Variants in LKAAEAR1 observed in about 807,000 individuals in gnomAD.
LKAAEAR1 encodes the protein protein LKAAEAR1.
Under a neutral mutation model 16.5 loss-of-function variants are expected in LKAAEAR1, and 19 were observed. That is an observed-to-expected ratio of 1.15 (90% confidence interval 0.80 to 1.69). LKAAEAR1 has a LOEUF of 1.69. Ranked by LOEUF, LKAAEAR1 falls within the 40% of genes most tolerant of loss-of-function variation. The probability of loss-of-function intolerance (pLI) is 0.00; values close to 1 mark genes in which losing one functional copy is unlikely to be tolerated. For synonymous variants in LKAAEAR1, 124 were observed against 152.7 expected (o/e 0.81, Z 1.39); for missense variants, 304 against 315.8 (o/e 0.96, Z 0.28).
chr20:64,083,700 C>A lies in LKAAEAR1; in HGVS notation c.408G>T (p.Glu136Asp). The stretch of plus-strand genomic sequence containing the variant: ...GCCGCTGGATGAGCAGCGCGATCTC[C>A]TCGGCCTGCGGGGCCCGGGTAGCTG... ...LRLRYTRMRA[E>D]EIALLIQRQK... Residue 136 changes from glutamate to aspartate, a missense_variant, in exon 2 of 3, where the codon GAG becomes GAT. Transcript: ENST00000302096. This position sits in a 1 kb window ranked among gnomAD's most constrained non-coding sequence, Gnocchi z 4.9. 7.2e-7 allele frequency: 1 copy of A among 1,392,328 alleles called. No homozygotes were observed. The highest frequency in any genetic ancestry group is 9.2e-7 in the Non-Finnish European group (1 of 1,081,912). 86.2% of individuals were successfully genotyped at this position (1,392,328 alleles called of 1,614,324 possible). A position where few individuals can be genotyped will look rare whatever the true frequency, so the allele number is the denominator to read the frequency against.
rs1406144707 is a variant in LKAAEAR1 at position 64,083,600 on chromosome 20, G to C, written c.508C>G (p.Pro170Ala). Reference protein sequence around the residue: ...PQLKPARIPDPLDRQERRRVE... With the variant: ...PQLKPARIPDALDRQERRRVE... The stretch of plus-strand genomic sequence containing the variant: ...GTCTGCACCTCTTGGCGGTCCAGGG[G>C]GTCCGGGATCCGCGCGGGCTTCAGC... The change falls in exon 2 of 3, where the codon CCC becomes GCC. Residue 170 changes from proline (P) to alanine (A), a missense_variant. Transcript: ENST00000302096. The surrounding 1 kb of genome is among the most constrained non-coding windows in gnomAD (Gnocchi z 4.9). 2.6e-5 allele frequency: 39 copies of C among 1,488,986 alleles called. No homozygotes were observed. Among genetic ancestry groups the C allele is most frequent in the Non-Finnish European group, 3.2e-5 (36 of 1,119,982 alleles). 92.2% of individuals were successfully genotyped at this position (1,488,986 alleles called of 1,614,324 possible).
rs1310619244 is a variant in LKAAEAR1 at position 64,083,615 on chromosome 20, C to T, written c.493G>A (p.Ala165Thr). 4.1e-6 allele frequency: 6 copies of T among 1,474,444 alleles called. No homozygotes were observed. The highest frequency in any genetic ancestry group is 5.4e-6 in the Non-Finnish European group (6 of 1,114,480). 91.3% of individuals were successfully genotyped at this position (1,474,444 alleles called of 1,614,324 possible). A position where few individuals can be genotyped will look rare whatever the true frequency, so the allele number is the denominator to read the frequency against. ...ELFLPPQLKP[A>T]RIPDPLDRQE... ...CGGTCCAGGGGGTCCGGGATCCGCG[C>T]GGGCTTCAGCTGCGGCGGCAGGAAC... is the stretch of plus-strand genomic sequence containing the variant. The change falls in exon 2 of 3, where the codon GCG (alanine) becomes ACG (threonine). Residue 165 changes from alanine to threonine, a missense_variant. Ala to Thr is a moderately conservative substitution (Grantham distance 58). Transcript: ENST00000302096. This position sits in a 1 kb window ranked among gnomAD's most constrained non-coding sequence, Gnocchi z 4.9.
chr20:64,084,320 C>T lies in LKAAEAR1; in HGVS notation c.-101G>A. On this transcript the variant is annotated 5_prime_UTR_variant, in exon 1 of 3. Coordinates refer to ENST00000302096, the MANE Select transcript of LKAAEAR1 (RefSeq NM_001353425.2). ...GGGCCCCAACGTGCGCCCCAGCTCC[C>T]GCCCGCTGGGCTCTCCGCAGTCGGT... 7.7e-7 allele frequency: 1 copy of T among 1,292,056 alleles called. No homozygotes were observed. Among genetic ancestry groups the T allele is most frequent in the Non-Finnish European group, 9.8e-7 (1 of 1,022,446 alleles). The allele number at this position is 1,292,056 out of a possible 1,614,324, so 80.0% of individuals were successfully genotyped here. A position where few individuals can be genotyped will look rare whatever the true frequency, so the allele number is the denominator to read the frequency against.
In LKAAEAR1 at chr20:64,083,392, T is replaced by A. The variant is rs1569268028; in HGVS notation, c.*43A>T. On this transcript the variant is annotated 3_prime_UTR_variant, in exon 3 of 3. Coordinates refer to ENST00000302096, the MANE Select transcript of LKAAEAR1 (RefSeq NM_001353425.2). This position sits in a 1 kb window ranked among gnomAD's most constrained non-coding sequence, Gnocchi z 4.9. ...CAGCGAGCCTTCGGAGAATTATAAC[T>A]TTATGTGGGAGGCTGGGGCGCGTCG... is the stretch of plus-strand genomic sequence containing the variant. The A allele has an allele frequency of 6.2e-7, 1 of 1,611,052 alleles. No homozygotes were observed. Among genetic ancestry groups the A allele is most frequent in the Non-Finnish European group, 8.5e-7 (1 of 1,179,304 alleles).
Position 64,084,309 on chromosome 20 carries a change from G to T in LKAAEAR1, c.-90C>A, listed in dbSNP as rs2145572277. ...GCCCCTCGGCAGGGCCCCAACGTGC[G>T]CCCCAGCTCCCGCCCGCTGGGCTCT... On this transcript the variant is annotated 5_prime_UTR_variant, in exon 1 of 3. Transcript: ENST00000302096. 7.7e-7 allele frequency: 1 copy of T among 1,294,816 alleles called. No individual in the cohort carries two copies. Among genetic ancestry groups the T allele is most frequent in the South Asian group, 2.3e-5 (1 of 43,304 alleles). The allele number at this position is 1,294,816 out of a possible 1,614,324, so 80.2% of individuals were successfully genotyped here. A position where few individuals can be genotyped will look rare whatever the true frequency, so the allele number is the denominator to read the frequency against.
At chr20:64,084,833 G>A (rs547313283), upstream of LKAAEAR1, among the ~76,000 whole-genome samples, 231 of 152,332 alleles carry the variant, frequency 1.5e-3, 1 homozygote, top group Middle Eastern at 0.02. Context: ...GCCACGGCCA[G>A]CCCCAGCGGC....
In LKAAEAR1 at chr20:64,083,694, G is replaced by A; in HGVS notation, c.414C>T (p.Ile138=). The stretch of plus-strand genomic sequence containing the variant: ...ACTTCTGCCGCTGGATGAGCAGCGC[G>A]ATCTCCTCGGCCTGCGGGGCCCGGG... ...LRYTRMRAEE[I]ALLIQRQKSA... is the part of the protein sequence containing the mutation. The change falls in exon 2 of 3, where the codon ATC becomes ATT. Residue 138 remains isoleucine (I), a synonymous_variant. Transcript: ENST00000302096. This position sits in a 1 kb window ranked among gnomAD's most constrained non-coding sequence, Gnocchi z 4.9. 1 of 1,407,132 alleles carries A rather than the reference G, an allele frequency of 7.1e-7. No individual in the cohort carries two copies. The highest frequency in any genetic ancestry group is 9.2e-7 in the Non-Finnish European group (1 of 1,088,920). The allele number at this position is 1,407,132 out of a possible 1,614,324, so 87.2% of individuals were successfully genotyped here.
Position 64,083,789 on chromosome 20 carries a change from C to T in LKAAEAR1, c.402+29G>A. On this transcript the variant is annotated intron_variant, in intron 1 of 2. Transcript: ENST00000302096. This position sits in a 1 kb window ranked among gnomAD's most constrained non-coding sequence, Gnocchi z 4.9. The stretch of plus-strand genomic sequence containing the variant: ...CTCCGCTCAACGCTCCCGGTGCGCC[C>T]CCTCTGCCCTCCGACCCCCTCGCCT... 7.5e-7 allele frequency: 1 copy of T among 1,335,798 alleles called. No homozygotes were observed. Among genetic ancestry groups the T allele is most frequent in the Non-Finnish European group, 9.5e-7 (1 of 1,049,224 alleles). The allele number at this position is 1,335,798 out of a possible 1,614,324, so 82.7% of individuals were successfully genotyped here.
In LKAAEAR1 at chr20:64,083,562, C is replaced by T; in HGVS notation, c.525+21G>A. 1 of 1,528,522 alleles carries T rather than the reference C, an allele frequency of 6.5e-7. No homozygotes were observed. Among genetic ancestry groups the T allele is most frequent in the Admixed American group, 2.1e-5 (1 of 47,476 alleles). 94.7% of individuals were successfully genotyped at this position (1,528,522 alleles called of 1,614,324 possible). A position where few individuals can be genotyped will look rare whatever the true frequency, so the allele number is the denominator to read the frequency against. On this transcript the variant is annotated intron_variant, in intron 2 of 2. Transcript: ENST00000302096. This position sits in a 1 kb window ranked among gnomAD's most constrained non-coding sequence, Gnocchi z 4.9. ...GCAGGGCCCCTCCCCTTTCCCCGCC[C>T]CTACCGGGGCTTGTCTGCACCTCTT...
chr20:64,083,907 C>G lies in LKAAEAR1; in HGVS notation c.313G>C (p.Glu105Gln). Residue 105 changes from glutamate to glutamine, a missense_variant, in exon 1 of 3, where the codon GAG becomes CAG. Physicochemically the swap from Glu to Gln is conservative, Grantham distance 29 (BLOSUM62 2). Coordinates refer to ENST00000302096, the MANE Select transcript of LKAAEAR1 (RefSeq NM_001353425.2). This position sits in a 1 kb window ranked among gnomAD's most constrained non-coding sequence, Gnocchi z 4.9. Reference protein sequence around the residue: ...PWTQSLELPAERQNRLLGVLK... With the variant: ...PWTQSLELPAQRQNRLLGVLK... ...ACGCCGAGGAGCCGGTTCTGGCGCT[C>G]GGCGGGCAGCTCGAGCGACTGCGTC... The G allele has an allele frequency of 6.9e-7, 1 of 1,446,554 alleles. No homozygotes were observed. The highest frequency in any genetic ancestry group is 9.0e-7 in the Non-Finnish European group (1 of 1,105,510). 89.6% of individuals were successfully genotyped at this position (1,446,554 alleles called of 1,614,324 possible). A position where few individuals can be genotyped will look rare whatever the true frequency, so the allele number is the denominator to read the frequency against.
Position 64,083,807 on chromosome 20 carries a change from C to T in LKAAEAR1, c.402+11G>A, listed in dbSNP as rs1347548821. 3.7e-6 allele frequency: 5 copies of T among 1,349,730 alleles called. No individual in the cohort carries two copies. Among genetic ancestry groups the T allele is most frequent in the Non-Finnish European group, 4.7e-6 (5 of 1,057,402 alleles). 83.6% of individuals were successfully genotyped at this position (1,349,730 alleles called of 1,614,324 possible). On this transcript the variant is annotated intron_variant, in intron 1 of 2. Coordinates refer to ENST00000302096, the MANE Select transcript of LKAAEAR1 (RefSeq NM_001353425.2). The surrounding 1 kb of genome is among the most constrained non-coding windows in gnomAD (Gnocchi z 4.9). ...GTGCGCCCCCTCTGCCCTCCGACCC[C>T]CTCGCCTCACCCGCATGCGGGTGTA...
rs762151726 is a variant in LKAAEAR1 at position 64,083,954 on chromosome 20, C to A, written c.266G>T (p.Arg89Leu). ...CGTCCACGGGCGCGGGTCGGGCATG[C>A]GGTACCCCGGTTCCACCGACCCGCA... is the stretch of plus-strand genomic sequence containing the variant. ...FPCGSVEPGY[R>L]MPDPRPWTQS... Residue 89 changes from arginine (R) to leucine (L), a missense_variant, in exon 1 of 3, where the codon CGC becomes CTC. Coordinates refer to ENST00000302096, the MANE Select transcript of LKAAEAR1 (RefSeq NM_001353425.2). This position sits in a 1 kb window ranked among gnomAD's most constrained non-coding sequence, Gnocchi z 4.9. 33 of 1,463,596 alleles carry A rather than the reference C, an allele frequency of 2.3e-5. No individual in the cohort carries two copies. The highest frequency in any genetic ancestry group is 2.9e-5 in the Non-Finnish European group (32 of 1,114,142). 90.7% of individuals were successfully genotyped at this position (1,463,596 alleles called of 1,614,324 possible). A position where few individuals can be genotyped will look rare whatever the true frequency, so the allele number is the denominator to read the frequency against.
chr20:64,084,461 G>C (rs2060020264), upstream of LKAAEAR1: 4 of 1,044,984 alleles, frequency 3.8e-6, no homozygotes, highest in Non-Finnish European at 4.9e-6. Context: ...AGTCAACTAG[G>C]ACTTTCTGAT....
upstream of LKAAEAR1, among the ~76,000 whole-genome samples, chr20:64,084,784 T>G (rs1227529857): frequency 1.3e-5 from 2 of 152,146 alleles, no homozygotes; most frequent in African/African-American, 2.4e-5. Flanking sequence ...AGCTGCCACC[T>G]TGTCCAGCCA....
At chr20:64,084,452 G>T, upstream of LKAAEAR1, 1 of 1,100,766 alleles carries the variant, frequency 9.1e-7, no homozygotes, top group Non-Finnish European at 1.2e-6. Context: ...CAGTCCTGCA[G>T]TCAACTAGGA....
rs769819931 is a variant in LKAAEAR1, at chr20:64,083,422, C to G, written c.*13G>C. On this transcript the variant is annotated 3_prime_UTR_variant, in exon 3 of 3. Transcript: ENST00000302096. This position sits in a 1 kb window ranked among gnomAD's most constrained non-coding sequence, Gnocchi z 4.9. ...GTGGGAGGCTGGGGCGCGTCGCACA[C>G]TCTCAGTCGCCGTCACCGCGGGAAG... 1.9e-6 allele frequency: 3 copies of G among 1,611,780 alleles called. No homozygotes were observed. The Admixed American group carries it at 5.0e-5, about 27-fold the overall frequency.
Position 64,084,094 on chromosome 20 carries a change from C to A in LKAAEAR1, c.126G>T (p.Pro42=). The A allele has an allele frequency of 6.7e-7, 1 of 1,482,068 alleles. No individual in the cohort carries two copies. The highest frequency in any genetic ancestry group is 8.9e-7 in the Non-Finnish European group (1 of 1,124,862). The allele number at this position is 1,482,068 out of a possible 1,614,324, so 91.8% of individuals were successfully genotyped here. A position where few individuals can be genotyped will look rare whatever the true frequency, so the allele number is the denominator to read the frequency against. ...KGAPATEPPK[P]GWALTPQGLA... is the part of the protein sequence containing the mutation. ...GTCCCTGCGGCGTCAGGGCCCAGCCCGGCTTGGGGGGCTCTGTCGCGGGCG... is the reference window on the plus strand; with the variant it reads ...GTCCCTGCGGCGTCAGGGCCCAGCCAGGCTTGGGGGGCTCTGTCGCGGGCG... The change falls in exon 1 of 3, where the codon CCG becomes CCT. Residue 42 remains proline (P), a synonymous_variant. Coordinates refer to ENST00000302096, the MANE Select transcript of LKAAEAR1 (RefSeq NM_001353425.2).
At position 64,084,177 on chromosome 20, in the gene LKAAEAR1, C is replaced by G; in HGVS notation, c.43G>C (p.Glu15Gln). The change falls in exon 1 of 3, where the codon GAG (glutamate) becomes CAG (glutamine). Residue 15 changes from glutamate to glutamine, a missense_variant. By Grantham distance (29) the Glu-to-Gln change is conservative. Coordinates refer to ENST00000302096, the MANE Select transcript of LKAAEAR1 (RefSeq NM_001353425.2). ...CCTGGCGCGCTCTTCCCGCTTCGCT[C>G]CCGCGGGCCCTTGCGCCCGCCCTCC... is the stretch of plus-strand genomic sequence containing the variant. ...AKEGGRKGPR[E>Q]RSGKSAPGTA... 1 of 1,449,422 alleles carries G rather than the reference C, an allele frequency of 6.9e-7. No individual in the cohort carries two copies. The highest frequency in any genetic ancestry group is 9.0e-7 in the Non-Finnish European group (1 of 1,108,708). 89.8% of individuals were successfully genotyped at this position (1,449,422 alleles called of 1,614,324 possible). A position where few individuals can be genotyped will look rare whatever the true frequency, so the allele number is the denominator to read the frequency against.
rs2145567716 is a variant in LKAAEAR1 at position 64,083,616 on chromosome 20, G to C, written c.492C>G (p.Pro164=). 6.8e-7 allele frequency: 1 copy of C among 1,476,098 alleles called. No individual in the cohort carries two copies. The highest frequency in any genetic ancestry group is 9.0e-7 in the Non-Finnish European group (1 of 1,115,222). 91.4% of individuals were successfully genotyped at this position (1,476,098 alleles called of 1,614,324 possible). ...LELFLPPQLK[P]ARIPDPLDRQ... ...GGTCCAGGGGGTCCGGGATCCGCGC[G>C]GGCTTCAGCTGCGGCGGCAGGAACA... is the stretch of plus-strand genomic sequence containing the variant. The change falls in exon 2 of 3, where the codon CCC becomes CCG. Residue 164 remains proline (P), a synonymous_variant. Transcript: ENST00000302096. This position sits in a 1 kb window ranked among gnomAD's most constrained non-coding sequence, Gnocchi z 4.9.
Sources: allele counts gnomAD v4.1 joint callset (sites outside exome capture counted in the v4.1 genomes callset), GRCh38; gene constraint gnomAD v4.1.1; non-coding constraint Gnocchi (gnomAD v3.1); transcripts MANE v1.5; gene names NCBI Gene and HGNC (gene_info 2026-07-23, HGNC 2026-07-21).